RBFOX3: variants seen among roughly 807,000 people sequenced by gnomAD.
The protein encoded by RBFOX3 is RNA binding protein fox-1 homolog 3.
RBFOX3 carries 17 observed loss-of-function variants against 48.7 expected under a neutral mutation model. The ratio of observed to expected loss-of-function variants is 0.35; its 90% confidence interval spans 0.24 to 0.52. RBFOX3 has a LOEUF of 0.52. Ranked by LOEUF, RBFOX3 falls within the 20% of genes least tolerant of loss-of-function variation. The pLI, the probability that RBFOX3 is intolerant of heterozygous loss-of-function variation, is 0.94. For synonymous variants in RBFOX3, 212 were observed against 209.5 expected (o/e 1.01, Z -0.10); for missense variants, 382 against 497.5 (o/e 0.77, Z 2.21).
At chr17:79,333,026 G>C (rs775780348) in intron 2 of RBFOX3, among the ~76,000 whole-genome samples, 1 of 151,650 alleles carries the variant, frequency 6.6e-6, no homozygotes, top group Non-Finnish European at 1.5e-5. Flanking sequence ...GAGATGGGGT[G>C]GGGGAGAGAC....
At chr17:79,541,175 G>GAA (rs112200066) in intron 1 of RBFOX3, among the ~76,000 whole-genome samples, 2 of 143,378 alleles carry the variant, frequency 1.4e-5, no homozygotes, top group African/African-American at 5.1e-5. Flanking sequence ...TCCAGCACTG[G>GAA]AAAAAAAAAA....
At chr17:79,306,244 C>T (rs77886818) in intron 3 of RBFOX3, among the ~76,000 whole-genome samples, 25,135 of 152,226 alleles carry the variant, frequency 0.17, 2,534 homozygotes, top group Middle Eastern at 0.27. Flanking sequence ...CACCCATGCA[C>T]GGCAATGGCG....
intron 2 of RBFOX3, among the ~76,000 whole-genome samples, chr17:79,313,630 G>C (rs1218502130): frequency 6.6e-6 from 1 of 152,140 alleles, no homozygotes; most frequent in Non-Finnish European, 1.5e-5. Flanking sequence ...TTTCTTCCTG[G>C]AGATAAAGTG....
At chr17:79,237,203 CT>C (rs1386202376) in intron 3 of RBFOX3, among the ~76,000 whole-genome samples, 2 of 152,190 alleles carry the variant, frequency 1.3e-5, no homozygotes, top group African/African-American at 4.8e-5. Flanking sequence ...AAGTGAAAAG[CT>C]TCTGGAATTG....
chr17:79,274,237 G>A (rs1351593721), intron 3 of RBFOX3, among the ~76,000 whole-genome samples: 1 of 152,180 alleles, frequency 6.6e-6, no homozygotes, highest in African/African-American at 2.4e-5. Context: ...ACTGGGATGG[G>A]GGTTGGATAT....
the RBFOX3 span, among the ~76,000 whole-genome samples, chr17:79,644,033 C>T: frequency 6.6e-6 from 1 of 151,942 alleles, no homozygotes; most frequent in Non-Finnish European, 1.5e-5. Context: ...CTCTAGAAAT[C>T]CTACATATAT....
intron 4 of RBFOX3, among the ~76,000 whole-genome samples, chr17:79,143,983 A>T (rs1002359710): frequency 6.6e-6 from 1 of 152,180 alleles, no homozygotes; most frequent in Non-Finnish European, 1.5e-5. Flanking sequence ...AGGGGGACAG[A>T]CCTGCTTGGC....
intron 1 of RBFOX3, among the ~76,000 whole-genome samples, chr17:79,564,476 G>A (rs902145241): frequency 2.6e-5 from 4 of 152,114 alleles, no homozygotes; most frequent in East Asian, 1.9e-4. Context: ...AATAGGAGCC[G>A]AACCTTCCTG....
rs73408751 is a variant in RBFOX3, at chr17:79,282,079, T to C, written c.-74+25645A>G. Among the ~76,000 whole-genome samples, 205 of 152,342 alleles carry C rather than the reference T, an allele frequency of 1.3e-3. 1 individual carries two copies. The highest frequency in any genetic ancestry group is 4.2e-3 in the African/African-American group (174 of 41,570). On this transcript the variant is annotated intron_variant, in intron 3 of 14. Transcript: ENST00000693108. ...AGGTTGTTGGCTGGGGTTGCAGTTT[T>C]ATTTGCTTTTTGAAATAGTGCTGAC...
chr17:79,391,306 G>A lies in RBFOX3; in HGVS notation c.-174-83482C>T, dbSNP rs2061352073. Reference sequence around the variant, plus strand: ...CAGCACCTCTCACCTGACCCTCAATGACCAGCTGTCTCAGGGGGAGAAAAA... The same window carrying A: ...CAGCACCTCTCACCTGACCCTCAATAACCAGCTGTCTCAGGGGGAGAAAAA... On this transcript the variant is annotated intron_variant, in intron 2 of 14. Transcript: ENST00000693108. The surrounding 1 kb of genome is among the most constrained non-coding windows in gnomAD (Gnocchi z 5.0). 1.3e-5 allele frequency among the ~76,000 whole-genome samples: 2 copies of A among 152,028 alleles called. No homozygotes were observed. The highest frequency in any genetic ancestry group is 2.9e-5 in the Non-Finnish European group (2 of 68,022).
intron 1 of RBFOX3, among the ~76,000 whole-genome samples, chr17:79,504,060 C>T (rs1397737987): frequency 6.6e-6 from 1 of 151,792 alleles, no homozygotes; most frequent in East Asian, 1.9e-4. Flanking sequence ...GCAGGGTGCT[C>T]ACCTCGAGCT....
chr17:79,247,001 G>A (rs2063268983), intron 3 of RBFOX3, among the ~76,000 whole-genome samples: 5 of 152,182 alleles, frequency 3.3e-5, no homozygotes, highest in Admixed American at 3.3e-4. Flanking sequence ...ATTTAGACAT[G>A]TCCTTTCTCC....
rs1555720149 is a variant in RBFOX3, at chr17:79,418,214, A to G, written c.-175+64240T>C. Among the ~76,000 whole-genome samples the G allele has an allele frequency of 2.0e-5, 3 of 152,234 alleles. No individual in the cohort carries two copies. Among genetic ancestry groups the G allele is most frequent in the African/African-American group, 7.2e-5 (3 of 41,460 alleles). ...AAAAATGGTTAAGATGGTACATTTT[A>G]TGTTATGCATATTTTACCACAACGA... On this transcript the variant is annotated intron_variant, in intron 2 of 14. Coordinates refer to ENST00000693108, the MANE Select transcript of RBFOX3 (RefSeq NM_001350451.2). This position sits in a 1 kb window ranked among gnomAD's most constrained non-coding sequence, Gnocchi z 5.0.
At chr17:79,381,152 C>T (rs1048464298) in intron 2 of RBFOX3, among the ~76,000 whole-genome samples, 3 of 151,820 alleles carry the variant, frequency 2.0e-5, no homozygotes, top group Non-Finnish European at 2.9e-5. Flanking sequence ...TCCAGCTACT[C>T]AGGAGGCTGA....
intron 4 of RBFOX3, among the ~76,000 whole-genome samples, chr17:79,194,766 G>C (rs2055233253): frequency 6.6e-6 from 1 of 151,940 alleles, no homozygotes; most frequent in Admixed American, 6.6e-5. Flanking sequence ...GTGTGTGTGT[G>C]TGTGTGTGTG....
chr17:79,356,365 T>TTTTTTTTTTTTTTG lies in RBFOX3; in HGVS notation c.-174-48542_-174-48541insCAAAAAAAAAAAAA, dbSNP rs2085053866. On this transcript the variant is annotated intron_variant, in intron 2 of 14. Coordinates refer to ENST00000693108, the MANE Select transcript of RBFOX3 (RefSeq NM_001350451.2). ...ACAGGGAAGTTTTTTTTTTTTTTTT[T>TTTTTTTTTTTTTTG]TTTTTTTTTTTTTTTTTTTTTGAGG... is the stretch of plus-strand genomic sequence containing the variant. Among the ~76,000 whole-genome samples, 2 of 108,256 alleles carry TTTTTTTTTTTTTTG rather than the reference T, an allele frequency of 1.8e-5. 1 individual carries two copies. Among genetic ancestry groups the TTTTTTTTTTTTTTG allele is most frequent in the African/African-American group, 7.4e-5 (2 of 27,028 alleles). 71.0% of individuals were successfully genotyped at this position (108,256 alleles called of 152,430 possible).
chr17:79,394,301 C>G (rs976522975), intron 2 of RBFOX3, among the ~76,000 whole-genome samples: 1 of 152,194 alleles, frequency 6.6e-6, no homozygotes, highest in Admixed American at 6.5e-5. Context: ...CACCCTGCAC[C>G]CTGATCACTG....
chr17:79,097,542 C>T, intron 10 of RBFOX3, 118 bp from the exon 11 acceptor site: 4 of 1,414,956 alleles, frequency 2.8e-6, no homozygotes, highest in Non-Finnish European at 3.7e-6. Context: ...CCAAGCCCCG[C>T]CCCCGGAGCG....
chr17:79,585,554 T>C (rs1474672145), intron 1 of RBFOX3, among the ~76,000 whole-genome samples: 1 of 151,914 alleles, frequency 6.6e-6, no homozygotes, highest in South Asian at 2.1e-4. Context: ...CGAGACTCCT[T>C]CTCAAAAATA....
Sources: allele counts gnomAD v4.1 joint callset (sites outside exome capture counted in the v4.1 genomes callset), GRCh38; gene constraint gnomAD v4.1.1; non-coding constraint Gnocchi (gnomAD v3.1); transcripts MANE v1.5; gene names NCBI Gene and HGNC (gene_info 2026-07-23, HGNC 2026-07-21).